The following PKNOX2 variants were observed in gnomAD, a reference collection of about 807,000 sequenced individuals.
PKNOX2 encodes the protein homeobox protein PKNOX2.
In PKNOX2, 14 loss-of-function variants were observed where a neutral mutation model predicts 53.1. The observed-to-expected ratio is 0.26, with a 90% CI of 0.17 to 0.41. The LOEUF (loss-of-function observed/expected upper bound fraction) is 0.41. Among genes scored for constraint, PKNOX2 ranks in the 10% least tolerant of loss-of-function variants. The pLI is 1.00. For synonymous variants in PKNOX2, 257 were observed against 242.8 expected (o/e 1.06, Z -0.54); for missense variants, 496 against 602.8 (o/e 0.82, Z 1.85).
At chr11:125,348,216 G>A (rs1198474898) in intron 3 of PKNOX2, among the ~76,000 whole-genome samples, 4 of 152,162 alleles carry the variant, frequency 2.6e-5, no homozygotes, top group Admixed American at 2.0e-4. Flanking sequence ...ATGGTTGCAC[G>A]TGGCCCCTCA....
rs3028442 is a variant in PKNOX2, at chr11:125,411,462, TTCTCTCTCTCTCTCTCTC to T, written c.817-253_817-236del. The stretch of plus-strand genomic sequence containing the variant: ...CTGCATGGCCCTGTTTCCTCTGTCT[TTCTCTCTCTCTCTCTCTC>T]TCTCTCTCTCTCTCTCTCTCTCTCT... On this transcript the variant is annotated intron_variant, in intron 9 of 12. Transcript: ENST00000298282. 1,117 of 252,776 alleles carry T rather than the reference TTCTCTCTCTCTCTCTCTC, an allele frequency of 4.4e-3. 17 individuals are homozygous for T. Among genetic ancestry groups the T allele is most frequent in the African/African-American group, 0.035 (943 of 27,124 alleles). The allele number at this position is 252,776 out of a possible 1,614,324, so 15.7% of individuals were successfully genotyped here. A position where few individuals can be genotyped will look rare whatever the true frequency, so the allele number is the denominator to read the frequency against.
At chr11:125,279,687 C>T (rs1946421017) in intron 2 of PKNOX2, among the ~76,000 whole-genome samples, 1 of 152,200 alleles carries the variant, frequency 6.6e-6, no homozygotes, top group Non-Finnish European at 1.5e-5. Flanking sequence ...GCCAGGTACC[C>T]AGTCTATGGT....
intron 10 of PKNOX2, among the ~76,000 whole-genome samples, chr11:125,413,678 C>T (rs931063576): frequency 2.6e-5 from 4 of 152,136 alleles, no homozygotes; most frequent in East Asian, 1.9e-4. Flanking sequence ...TGGTCACACT[C>T]GCCTCTTAGG....
At chr11:125,209,014 C>T (rs543605231) in intron 1 of PKNOX2, among the ~76,000 whole-genome samples, 7 of 151,774 alleles carry the variant, frequency 4.6e-5, no homozygotes, top group East Asian at 3.9e-4. Flanking sequence ...CAGCTGTGAG[C>T]GCAAATCGCT....
At chr11:125,180,820 A>G (rs932865027) in intron 1 of PKNOX2, among the ~76,000 whole-genome samples, 13 of 152,324 alleles carry the variant, frequency 8.5e-5, no homozygotes, top group South Asian at 6.2e-4. Flanking sequence ...TGGTAAAGGC[A>G]GCTATTGGCA....
At chr11:125,342,516 G>A (rs866792358) in intron 3 of PKNOX2, among the ~76,000 whole-genome samples, 8 of 152,202 alleles carry the variant, frequency 5.3e-5, no homozygotes, top group East Asian at 3.9e-4. Context: ...GAGGGCTGCC[G>A]GAGGTGGCTC....
At chr11:125,420,404 T>A (rs957502497) in intron 10 of PKNOX2, among the ~76,000 whole-genome samples, 3 of 151,574 alleles carry the variant, frequency 2.0e-5, no homozygotes, top group Admixed American at 6.6e-5. Flanking sequence ...CAGGCACCTA[T>A]AGTCCCAGCT....
rs1956069414 is a variant in PKNOX2 at position 125,419,664 on chromosome 11, T to C, written c.936+7799T>C. On this transcript the variant is annotated intron_variant, in intron 10 of 12. Coordinates refer to ENST00000298282, the MANE Select transcript of PKNOX2 (RefSeq NM_001382323.2). ...ACAAAGCAATGACTATGAAAGGCTG[T>C]GAGGCCATCATTTACTCACAGATTA... Among the ~76,000 whole-genome samples, 3 of 151,780 alleles carry C rather than the reference T, an allele frequency of 2.0e-5. No individual in the cohort carries two copies. The South Asian group carries it at 6.2e-4, about 31-fold the overall frequency.
rs371511629 is a variant in PKNOX2, at chr11:125,377,833, C to T, written c.228-7718C>T. 5.2e-4 allele frequency among the ~76,000 whole-genome samples: 79 copies of T among 152,320 alleles called. 4 individuals are homozygous for T. Among genetic ancestry groups the T allele is most frequent in the African/African-American group, 2.9e-4 (12 of 41,574 alleles). On this transcript the variant is annotated intron_variant, in intron 5 of 12. Coordinates refer to ENST00000298282, the MANE Select transcript of PKNOX2 (RefSeq NM_001382323.2). ...TGTTTTAAGAAAGTTTACGAATTTG[C>T]GTTGGGTCACATTTAAAGCCGTTCT...
intron 1 of PKNOX2, chr11:125,184,042 G>A (rs576130114): frequency 6.6e-6 from 1 of 152,228 alleles, no homozygotes; most frequent in Non-Finnish European, 1.5e-5. Context: ...AAGATGACAA[G>A]ATTTGGTCTC....
At chr11:125,349,121 T>C (rs1951155467) in intron 3 of PKNOX2, among the ~76,000 whole-genome samples, 1 of 152,252 alleles carries the variant, frequency 6.6e-6, no homozygotes, top group Non-Finnish European at 1.5e-5. Context: ...GAAACATTCC[T>C]ATTTCCTTTA....
chr11:125,375,541 T>C (rs959271289), intron 5 of PKNOX2, among the ~76,000 whole-genome samples: 1 of 152,226 alleles, frequency 6.6e-6, no homozygotes, highest in African/African-American at 2.4e-5. Flanking sequence ...GATGCGGTCA[T>C]TTAACCACAC....
At chr11:125,298,380 T>C (rs1235170803) in intron 2 of PKNOX2, among the ~76,000 whole-genome samples, 1 of 152,158 alleles carries the variant, frequency 6.6e-6, no homozygotes, top group Non-Finnish European at 1.5e-5. Context: ...GGCGCGTTTG[T>C]CACAGGTTTG....
chr11:125,242,400 G>C (rs937213444), intron 2 of PKNOX2, among the ~76,000 whole-genome samples: 1 of 152,074 alleles, frequency 6.6e-6, no homozygotes, highest in Non-Finnish European at 1.5e-5. Context: ...AGCCGCTCTG[G>C]GAGTTTGCCC....
At chr11:125,174,291 T>G (rs1955539726) in intron 1 of PKNOX2, among the ~76,000 whole-genome samples, 3 of 152,172 alleles carry the variant, frequency 2.0e-5, no homozygotes, top group African/African-American at 7.2e-5. Context: ...ACCCACTATT[T>G]AATTAGTGCC....
At chr11:125,195,632 C>T (rs948711014) in intron 1 of PKNOX2, among the ~76,000 whole-genome samples, 6 of 149,496 alleles carry the variant, frequency 4.0e-5, no homozygotes, top group African/African-American at 7.4e-5. Context: ...CCTGAAGACT[C>T]GGTGAGCTGA....
intron 10 of PKNOX2, among the ~76,000 whole-genome samples, chr11:125,426,968 A>G (rs1463143333): frequency 6.6e-6 from 1 of 152,236 alleles, no homozygotes; most frequent in East Asian, 1.9e-4. Context: ...GGCAGGAGGA[A>G]GCGCGCTCCA....
intron 10 of PKNOX2, among the ~76,000 whole-genome samples, chr11:125,416,281 C>T (rs1416223175): frequency 1.8e-5 from 2 of 113,798 alleles, no homozygotes; most frequent in South Asian, 3.0e-4. Context: ...CCAGCCTGGG[C>T]GACAGAGCGA....
chr11:125,192,570 C>T (rs920956247), intron 1 of PKNOX2, among the ~76,000 whole-genome samples: 1 of 152,184 alleles, frequency 6.6e-6, no homozygotes, highest in African/African-American at 2.4e-5. Context: ...TTGTTCCTCC[C>T]ACAAGTGATA....
Sources: allele counts gnomAD v4.1 joint callset (sites outside exome capture counted in the v4.1 genomes callset), GRCh38; gene constraint gnomAD v4.1.1; transcripts MANE v1.5; gene names NCBI Gene and HGNC (gene_info 2026-07-23, HGNC 2026-07-21).